DPEP2: variants seen among roughly 807,000 people sequenced by gnomAD.
The protein encoded by DPEP2 is dipeptidase 2.
A neutral mutation model predicts 51.8 loss-of-function variants in DPEP2; 45 were observed. The observed-to-expected ratio is 0.87, with a 90% confidence interval of 0.68 to 1.11. The LOEUF (loss-of-function observed/expected upper bound fraction) is 1.11. Among genes scored for constraint, DPEP2 ranks in the 50% most tolerant of loss-of-function variants. The pLI is 0.00. For missense variants in DPEP2, 604 were observed against 631.9 expected, an observed-to-expected ratio of 0.96 and a Z score of 0.47; for synonymous variants, 255 against 262.7, an observed-to-expected ratio of 0.97 and a Z score of 0.28.
At chr16:67,998,547 C>T (rs949265266) in intron 1 of DPEP2, among the ~76,000 whole-genome samples, 2 of 152,226 alleles carry the variant, frequency 1.3e-5, no homozygotes, top group African/African-American at 4.8e-5. Flanking sequence ...TGAGCGCCGC[C>T]CCCTGCTCCA....
chr16:67,993,681 G>T, intron 1 of DPEP2: 12 of 987,588 alleles, frequency 1.2e-5, no homozygotes, highest in Non-Finnish European at 1.4e-5. Context: ...CCAACCGCCT[G>T]CAACGTGTCC....
intron 1 of DPEP2, chr16:67,993,569 G>T (rs955769156): frequency 1.9e-6 from 2 of 1,035,714 alleles, no homozygotes; most frequent in African/African-American, 1.7e-5. Flanking sequence ...TGGCTCCTCT[G>T]CTGCCCCTAG....
At chr16:67,990,247 A>G in intron 7 of DPEP2, 116 bp from the exon 8 acceptor site, 2 of 896,266 alleles carry the variant, frequency 2.2e-6, no homozygotes, top group Non-Finnish European at 3.5e-6. Flanking sequence ...GAGTCAGCAG[A>G]AACTTCACCT....
intron 1 of DPEP2, chr16:67,994,816 A>C (rs1036508745): frequency 6.9e-5 from 68 of 985,434 alleles, no homozygotes; most frequent in Admixed American, 3.1e-4. Context: ...GATGTTGCCC[A>C]GTGTCTGCTG....
In DPEP2 at chr16:67,992,059, C is replaced by T. The variant is rs1175592468; in HGVS notation, c.520+5G>A. 5.6e-6 allele frequency: 9 copies of T among 1,613,962 alleles called. No individual in the cohort carries two copies. Among genetic ancestry groups the T allele is most frequent in the East Asian group, 2.2e-5 (1 of 44,888 alleles). ...GTTCCTAACGCTTCCCATCAACTTG[C>T]CTACCTTTAGCCGAGGTCACAAGCT... On this transcript the variant is annotated splice_donor_5th_base_variant and intron_variant, in intron 4 of 10. Transcript: ENST00000393847.
Position 67,991,005 on chromosome 16 carries a change from G to A in DPEP2, c.733-8C>T. 1 of 1,613,856 alleles carries A rather than the reference G, an allele frequency of 6.2e-7. No homozygotes were observed. The highest frequency in any genetic ancestry group is 8.5e-7 in the Non-Finnish European group (1 of 1,179,724). ...CATTTCTGCCACCACCTTCTGCAGGGACATGTTGGGAGAAGGGTATCAGGG... is the reference window on the plus strand; with the variant it reads ...CATTTCTGCCACCACCTTCTGCAGGAACATGTTGGGAGAAGGGTATCAGGG... On this transcript the variant is annotated splice_region_variant and splice_polypyrimidine_tract_variant and intron_variant, in intron 6 of 10. Transcript: ENST00000393847. This position sits in a 1 kb window ranked among gnomAD's most constrained non-coding sequence, Gnocchi z 5.1.
chr16:67,989,289 C>T (rs1598258733), intron 9 of DPEP2, 34 bp downstream of exon 9: 3 of 1,613,224 alleles, frequency 1.9e-6, no homozygotes, highest in African/African-American at 1.3e-5. Flanking sequence ...TGCTGTACAG[C>T]TAGCCCAAGA....
chr16:67,995,220 A>ATT (rs1419698043), intron 1 of DPEP2, among the ~76,000 whole-genome samples: 2 of 150,912 alleles, frequency 1.3e-5, no homozygotes, highest in Non-Finnish European at 3.0e-5. Context: ...TTTTTTATTT[A>ATT]TTTTTTTAAT....
chr16:67,990,169 T>C, intron 7 of DPEP2, 38 bp from the exon 8 acceptor site: 1 of 1,601,026 alleles, frequency 6.2e-7, no homozygotes, highest in Non-Finnish European at 8.6e-7. Flanking sequence ...GCCTGGCCCC[T>C]CAGCAAACTG....
At chr16:67,992,240 G>C (rs1233673470) in intron 3 of DPEP2, 47 bp from the exon 4 acceptor site, 4 of 1,597,338 alleles carry the variant, frequency 2.5e-6, no homozygotes, top group East Asian at 2.2e-5. Flanking sequence ...TGCTTTGGAG[G>C]ACCCTGGACT....
At chr16:67,998,098 G>A (rs1387730706) in intron 1 of DPEP2, among the ~76,000 whole-genome samples, 2 of 152,028 alleles carry the variant, frequency 1.3e-5, no homozygotes, top group East Asian at 3.9e-4. Flanking sequence ...CCTCTGCCTG[G>A]GCTCCCACTT....
At chr16:67,999,519 G>A, upstream of DPEP2, 5 of 986,188 alleles carry the variant, frequency 5.1e-6, no homozygotes, top group South Asian at 1.4e-4. Flanking sequence ...GCACAGAGAT[G>A]GCTTTGGGTG....
chr16:67,995,467 C>G (rs1435796693), intron 1 of DPEP2, among the ~76,000 whole-genome samples: 1 of 152,204 alleles, frequency 6.6e-6, no homozygotes, highest in Non-Finnish European at 1.5e-5. Flanking sequence ...ACAGGCTTCC[C>G]TCCTTCTCTC....
rs2031523906 is a variant in DPEP2, at chr16:67,987,429, T to C, written c.*77A>G. 2.6e-6 allele frequency: 4 copies of C among 1,529,728 alleles called. No individual in the cohort carries two copies. The East Asian group carries it at 6.8e-5, about 26-fold the overall frequency. The allele number at this position is 1,529,728 out of a possible 1,614,324, so 94.8% of individuals were successfully genotyped here. A position where few individuals can be genotyped will look rare whatever the true frequency, so the allele number is the denominator to read the frequency against. On this transcript the variant is annotated 3_prime_UTR_variant, in exon 11 of 11. Coordinates refer to ENST00000393847, the MANE Select transcript of DPEP2 (RefSeq NM_022355.4). Reference sequence around the variant, plus strand: ...CAAAACATTTATTTCAGGAAATATTTGTGCCTGCACAACAGGGGAACTTTG... The same window carrying C: ...CAAAACATTTATTTCAGGAAATATTCGTGCCTGCACAACAGGGGAACTTTG...
In DPEP2 at chr16:67,991,797, C is replaced by A. The variant is rs1415789795; in HGVS notation, c.662+41G>T. The A allele has an allele frequency of 1.2e-6, 2 of 1,604,490 alleles. No homozygotes were observed. Among genetic ancestry groups the A allele is most frequent in the Non-Finnish European group, 1.7e-6 (2 of 1,173,930 alleles). On this transcript the variant is annotated intron_variant, in intron 5 of 10. Coordinates refer to ENST00000393847, the MANE Select transcript of DPEP2 (RefSeq NM_022355.4). This position sits in a 1 kb window ranked among gnomAD's most constrained non-coding sequence, Gnocchi z 5.1. The stretch of plus-strand genomic sequence containing the variant: ...CACAGTGACCTCAGGCAGATCTCTG[C>A]CCCTGCCTCAGCGGTCCCACACCAT...
chr16:68,000,609 C>A, upstream of DPEP2: 1 of 514,298 alleles, frequency 1.9e-6, no homozygotes, highest in Non-Finnish European at 2.5e-6. Flanking sequence ...AGCAGCCTGG[C>A]CACTGTAGAC....
rs768166328 is a variant in DPEP2, at chr16:67,991,842, G to T, written c.658C>A (p.Pro220Thr). The T allele has an allele frequency of 6.2e-7, 1 of 1,614,078 alleles. No individual in the cohort carries two copies. The highest frequency in any genetic ancestry group is 8.5e-7 in the Non-Finnish European group (1 of 1,179,972). ...CACCATCTGCACTAGGCTCACCAGGGTGTGTTGCAGGTGTGGGTGAGCGTC... is the reference window on the plus strand; with the variant it reads ...CACCATCTGCACTAGGCTCACCAGGTTGTGTTGCAGGTGTGGGTGAGCGTC... ...YLTLTHTCNT[P>T]WAESSAKGVH... The change falls in exon 5 of 11, where the codon CCC becomes ACC. Residue 220 changes from proline to threonine, a missense_variant. By Grantham distance (38) the Pro-to-Thr change is conservative. Transcript: ENST00000393847. The surrounding 1 kb of genome is among the most constrained non-coding windows in gnomAD (Gnocchi z 5.1).
At chr16:67,988,917 A>AGAT (rs1381469542) in intron 9 of DPEP2, among the ~76,000 whole-genome samples, 2 of 152,088 alleles carry the variant, frequency 1.3e-5, no homozygotes, top group Non-Finnish European at 2.9e-5. Flanking sequence ...GAGAAGAAGA[A>AGAT]GAAGAAGAAA....
rs1211111240 is a variant in DPEP2, at chr16:67,992,930, C to T, written c.263+20G>A. On this transcript the variant is annotated intron_variant, in intron 2 of 10. Coordinates refer to ENST00000393847, the MANE Select transcript of DPEP2 (RefSeq NM_022355.4). ...AGGAGTGTGCTCAGCTCCCATCGCC[C>T]CCTTGCAGCAATTACGCACCCGTCC... The T allele has an allele frequency of 6.2e-7, 1 of 1,601,912 alleles. No individual in the cohort carries two copies. The highest frequency in any genetic ancestry group is 2.2e-5 in the East Asian group (1 of 44,670).
Sources: allele counts gnomAD v4.1 joint callset (sites outside exome capture counted in the v4.1 genomes callset), GRCh38; gene constraint gnomAD v4.1.1; non-coding constraint Gnocchi (gnomAD v3.1); transcripts MANE v1.5; gene names NCBI Gene and HGNC (gene_info 2026-07-23, HGNC 2026-07-21).